Variants in DEAF1 observed in about 807,000 individuals in gnomAD.
DEAF1 encodes DEAF1 transcription factor, also known as deformed epidermal autoregulatory factor 1 homolog.
In DEAF1, 53 loss-of-function variants were observed where a neutral mutation model predicts 58.9. The observed-to-expected ratio is 0.90, with a 90% CI of 0.72 to 1.13. The LOEUF is 1.13. Among genes scored for constraint, DEAF1 ranks in the 50% most tolerant of loss-of-function variants. The pLI, the probability that DEAF1 is intolerant of heterozygous loss-of-function variation, is 0.00. For missense variants in DEAF1, 685 were observed against 791.4 expected (o/e 0.87, Z 1.61); for synonymous variants, 385 against 340.4 (o/e 1.13, Z -1.44).
Position 651,810 on chromosome 11 carries a change from T to C in DEAF1, c.1593+2152A>G, listed in dbSNP as rs550500696. Reference sequence around the variant, plus strand: ...CTGAGGCAGGAGAATGGCGTGAACCTGGGAGGCGGAGCTTGCGGTGAGCTG... The same window carrying C: ...CTGAGGCAGGAGAATGGCGTGAACCCGGGAGGCGGAGCTTGCGGTGAGCTG... On this transcript the variant is annotated intron_variant, in intron 11 of 11. Coordinates refer to ENST00000382409, the MANE Select transcript of DEAF1 (RefSeq NM_021008.4). Among the ~76,000 whole-genome samples, 12 of 152,248 alleles carry C rather than the reference T, an allele frequency of 7.9e-5. No individual in the cohort carries two copies. In the East Asian group the frequency reaches 1.7e-3, roughly 22 times the overall value.
At chr11:655,972 C>T (rs565736999) in intron 10 of DEAF1, among the ~76,000 whole-genome samples, 1 of 151,906 alleles carries the variant, frequency 6.6e-6, no homozygotes, top group South Asian at 2.1e-4. Context: ...GCTGGGACTA[C>T]AGGCACGGAC....
At chr11:681,199 G>T in intron 6 of DEAF1, 110 bp from the exon 7 acceptor site, 1 of 1,466,202 alleles carries the variant, frequency 6.8e-7, no homozygotes, top group South Asian at 1.1e-5. Flanking sequence ...CACATGGTGA[G>T]ACCACATTAA....
At chr11:700,132 C>A, upstream of DEAF1, 2 of 1,613,148 alleles carry the variant, frequency 1.2e-6, no homozygotes, top group Non-Finnish European at 1.7e-6. Flanking sequence ...GATCCTTAAC[C>A]ACTCACCAGC....
intron 10 of DEAF1, among the ~76,000 whole-genome samples, chr11:670,777 GTTTT>G (rs1250514235): frequency 3.2e-4 from 6 of 18,972 alleles, no homozygotes; most frequent in Non-Finnish European, 6.8e-4. Context: ...TTTTGTTTTT[GTTTT>G]TTTTTTTTTT....
At chr11:699,928 G>A (rs142589327), upstream of DEAF1, 1,202 of 554,648 alleles carry the variant, frequency 2.2e-3, 15 homozygotes, top group East Asian at 0.034. Context: ...GGCATGGAGG[G>A]GGGTCCCACA....
At chr11:674,834 C>G (rs1048792512) in intron 9 of DEAF1, 51 bp from the exon 10 acceptor site, 1 of 1,600,566 alleles carries the variant, frequency 6.2e-7, no homozygotes, top group African/African-American at 1.3e-5. Context: ...CATCTCCTAG[C>G]TTCAAAATGG....
At chr11:695,617 G>C (rs1861094759), upstream of DEAF1, 3 of 1,244,542 alleles carry the variant, frequency 2.4e-6, no homozygotes, top group East Asian at 9.5e-5. Flanking sequence ...GAATGCTCCC[G>C]AACGTCGGTT....
At chr11:705,827 C>T (rs2133485945) in intron 1 of DEAF1, among the ~76,000 whole-genome samples, 1 of 152,308 alleles carries the variant, frequency 6.6e-6, no homozygotes, top group South Asian at 2.1e-4. Context: ...CCATTGGCAG[C>T]GTTCCCCCGT....
At chr11:700,027 G>T, upstream of DEAF1, 1 of 773,930 alleles carries the variant, frequency 1.3e-6, no homozygotes. Flanking sequence ...AAGACTCCAT[G>T]GTCCCTTGGT....
At chr11:650,372 T>TAA (rs1347231967) in intron 11 of DEAF1, among the ~76,000 whole-genome samples, 1 of 21,364 alleles carries the variant, frequency 4.7e-5, no homozygotes, top group African/African-American at 5.3e-4. Context: ...ACAGTCCGTC[T>TAA]CAAAAAAAAA....
chr11:653,768 T>C (rs1332292976), intron 11 of DEAF1, among the ~76,000 whole-genome samples, 194 bp downstream of exon 11: 1 of 152,164 alleles, frequency 6.6e-6, no homozygotes, highest in Non-Finnish European at 1.5e-5. Flanking sequence ...ATGAGAGCAC[T>C]ACCTGGCCAT....
chr11:693,225 A>C (rs187870476), intron 1 of DEAF1, among the ~76,000 whole-genome samples: 1 of 152,238 alleles, frequency 6.6e-6, no homozygotes, highest in East Asian at 1.9e-4. Flanking sequence ...CATTCAGAAA[A>C]ATACGTGCAA....
Position 700,387 on chromosome 11 carries a change from C to G in DEAF1, c.-438+6185G>C, listed in dbSNP as rs533923710. ...ACTAAAAACACAAAAAGTAGCCGGG[C>G]GTGGTGGTGGGCGCCTGTAGTCCCA... On this transcript the variant is annotated intron_variant, in intron 1 of 11. Transcript: ENST00000683307. 16 of 790,976 alleles carry G rather than the reference C, an allele frequency of 2.0e-5. No homozygotes were observed. In the South Asian group the frequency reaches 2.5e-4, roughly 12 times the overall value. The allele number at this position is 790,976 out of a possible 1,614,324, so 49.0% of individuals were successfully genotyped here. A position where few individuals can be genotyped will look rare whatever the true frequency, so the allele number is the denominator to read the frequency against.
upstream of DEAF1, chr11:698,825 C>T: frequency 6.2e-7 from 1 of 1,613,428 alleles, no homozygotes; most frequent in Non-Finnish European, 8.5e-7. Context: ...GGGAAAGCAT[C>T]CTGGTGGCTG....
At chr11:681,712 C>CT (rs1227629211) in intron 6 of DEAF1, among the ~76,000 whole-genome samples, 2,311 of 149,722 alleles carry the variant, frequency 0.015, 54 homozygotes, top group African/African-American at 0.052. Flanking sequence ...GCCCGGCCGA[C>CT]TTTTTTTTTT....
chr11:663,693 T>C (rs1221477307), intron 10 of DEAF1, among the ~76,000 whole-genome samples: 1 of 151,450 alleles, frequency 6.6e-6, no homozygotes, highest in Non-Finnish European at 1.5e-5. Flanking sequence ...CGACTGCCTC[T>C]GAAGTGAATA....
chr11:695,123 C>A lies in DEAF1; in HGVS notation c.-76G>T. On this transcript the variant is annotated 5_prime_UTR_variant, in exon 1 of 12. Coordinates refer to ENST00000382409, the MANE Select transcript of DEAF1 (RefSeq NM_021008.4). ...GCCGGTCGCGGAGCCCGAAGCGGGGCCCGAAGAGGACGCCCGAGCTGGGCC... is the reference window on the plus strand; with the variant it reads ...GCCGGTCGCGGAGCCCGAAGCGGGGACCGAAGAGGACGCCCGAGCTGGGCC... 3 of 1,322,608 alleles carry A rather than the reference C, an allele frequency of 2.3e-6. No homozygotes were observed. Among genetic ancestry groups the A allele is most frequent in the South Asian group, 1.5e-5 (1 of 65,472 alleles). The allele number at this position is 1,322,608 out of a possible 1,614,324, so 81.9% of individuals were successfully genotyped here. A position where few individuals can be genotyped will look rare whatever the true frequency, so the allele number is the denominator to read the frequency against.
intron 1 of DEAF1, among the ~76,000 whole-genome samples, chr11:705,908 C>T (rs991723810): frequency 6.6e-6 from 1 of 152,212 alleles, no homozygotes; most frequent in Non-Finnish European, 1.5e-5. Flanking sequence ...GCTCATCCCG[C>T]GGAGGCGGCC....
intron 1 of DEAF1, chr11:703,695 G>A: frequency 2.4e-6 from 3 of 1,232,380 alleles, no homozygotes; most frequent in Admixed American, 4.2e-5. Context: ...CAGGCAGGCA[G>A]GCCCGGTGCA....
Sources: allele counts gnomAD v4.1 joint callset (sites outside exome capture counted in the v4.1 genomes callset), GRCh38; gene constraint gnomAD v4.1.1; transcripts MANE v1.5; gene names NCBI Gene and HGNC (gene_info 2026-07-23, HGNC 2026-07-21).